Variants in TFCP2 observed in about 807,000 individuals in gnomAD.
TFCP2 encodes the protein transcription factor CP2.
Under a neutral mutation model 73.4 loss-of-function variants are expected in TFCP2, and 33 were observed. That is an observed-to-expected ratio of 0.45 (90% confidence interval 0.34 to 0.60). The LOEUF (loss-of-function observed/expected upper bound fraction) is 0.60. TFCP2 is among the 20% of genes least tolerant of loss of function. The pLI is 0.01. For missense variants in TFCP2, 352 were observed against 604.0 expected (o/e 0.58, Z 4.37); for synonymous variants, 193 against 211.6 (o/e 0.91, Z 0.76).
At chr12:51,099,888 G>T in intron 11 of TFCP2, 109 bp from the exon 12 acceptor site, 3 of 1,352,492 alleles carry the variant, frequency 2.2e-6, no homozygotes, top group Non-Finnish European at 3.0e-6. Flanking sequence ...GATGAAAATT[G>T]GAAGCTCATT....
chr12:51,107,639 T>C (rs1331545856), intron 6 of TFCP2, among the ~76,000 whole-genome samples: 1 of 151,880 alleles, frequency 6.6e-6, no homozygotes, highest in Non-Finnish European at 1.5e-5. Flanking sequence ...CGGAGTCTCA[T>C]CCTGTCACAC....
intron 1 of TFCP2, among the ~76,000 whole-genome samples, chr12:51,151,613 T>G (rs1941428233): frequency 6.6e-6 from 1 of 152,128 alleles, no homozygotes; most frequent in Non-Finnish European, 1.5e-5. Flanking sequence ...ATTTTTTGTA[T>G]TTTTAGTAGA....
chr12:51,162,216 C>T (rs1405904016), intron 1 of TFCP2, among the ~76,000 whole-genome samples: 2 of 152,070 alleles, frequency 1.3e-5, no homozygotes, highest in African/African-American at 4.8e-5. Flanking sequence ...GAGGCTGAGG[C>T]GGGTGGATCA....
intron 6 of TFCP2, among the ~76,000 whole-genome samples, chr12:51,108,261 G>A (rs1388045931): frequency 1.3e-5 from 2 of 151,824 alleles, no homozygotes; most frequent in African/African-American, 2.4e-5. Context: ...ATTCCAGCCT[G>A]GGTGACAGAG....
chr12:51,157,677 T>C (rs1283705913), intron 1 of TFCP2, among the ~76,000 whole-genome samples: 1 of 43,980 alleles, frequency 2.3e-5, no homozygotes, highest in Non-Finnish European at 5.7e-5. Flanking sequence ...GAGTTTTTTC[T>C]TTTCTTTTCT....
At chr12:51,135,193 G>A (rs568407193) in intron 1 of TFCP2, among the ~76,000 whole-genome samples, 10 of 151,806 alleles carry the variant, frequency 6.6e-5, no homozygotes, top group South Asian at 6.2e-4. Context: ...TTGGGAGGCC[G>A]AGGCGGGCGG....
intron 1 of TFCP2, among the ~76,000 whole-genome samples, chr12:51,148,223 T>C (rs1185791262): frequency 1.3e-5 from 2 of 152,214 alleles, no homozygotes; most frequent in Non-Finnish European, 2.9e-5. Context: ...AAGAACAGTG[T>C]GGAGATTCCT....
chr12:51,145,796 CA>C (rs1941287322), intron 1 of TFCP2, among the ~76,000 whole-genome samples: 1 of 150,932 alleles, frequency 6.6e-6, no homozygotes, highest in African/African-American at 2.4e-5. Flanking sequence ...ACAAAAAATA[CA>C]AAAAATTAGC....
At chr12:51,159,545 G>C (rs1592838932) in intron 1 of TFCP2, among the ~76,000 whole-genome samples, 1 of 152,040 alleles carries the variant, frequency 6.6e-6, no homozygotes, top group East Asian at 1.9e-4. Context: ...CACCACATTG[G>C]CGAGGCTGGT....
chr12:51,097,515 G>C (rs1195765213), intron 13 of TFCP2, among the ~76,000 whole-genome samples: 1 of 151,954 alleles, frequency 6.6e-6, no homozygotes, highest in African/African-American at 2.4e-5. Flanking sequence ...CAAAGTGCTG[G>C]GTTTACAGGC....
chr12:51,163,433 T>C (rs1941691187), intron 1 of TFCP2, among the ~76,000 whole-genome samples: 1 of 151,988 alleles, frequency 6.6e-6, no homozygotes, highest in South Asian at 2.1e-4. Flanking sequence ...CTACTAAAAA[T>C]ACAAAAATTA....
At position 51,172,721 on chromosome 12, in the gene TFCP2, C is replaced by G; in HGVS notation, c.-299G>C. ...TCCCAGAGGCAGCTCTGGACTCCCGCACTCCCACTCCTCTTGAGAGTTCGT... is the reference window on the plus strand; with the variant it reads ...TCCCAGAGGCAGCTCTGGACTCCCGGACTCCCACTCCTCTTGAGAGTTCGT... On this transcript the variant is annotated 5_prime_UTR_variant, in exon 1 of 15. Coordinates refer to ENST00000257915, the MANE Select transcript of TFCP2 (RefSeq NM_005653.5). 3.4e-6 allele frequency: 1 copy of G among 296,532 alleles called. No individual in the cohort carries two copies. The allele number at this position is 296,532 out of a possible 1,614,324, so 18.4% of individuals were successfully genotyped here.
intron 1 of TFCP2, among the ~76,000 whole-genome samples, chr12:51,136,267 C>T (rs1168837940): frequency 6.7e-6 from 1 of 148,728 alleles, no homozygotes; most frequent in African/African-American, 2.5e-5. Flanking sequence ...TGAGATCGCG[C>T]CATTGCACTC....
intron 1 of TFCP2, among the ~76,000 whole-genome samples, chr12:51,140,915 G>A (rs938200654): frequency 1.3e-5 from 2 of 151,890 alleles, no homozygotes; most frequent in Non-Finnish European, 2.9e-5. Context: ...AATTAGCCAG[G>A]CGTGGTGGCA....
chr12:51,167,301 G>A (rs1015196811), intron 1 of TFCP2, among the ~76,000 whole-genome samples: 1 of 152,078 alleles, frequency 6.6e-6, no homozygotes, highest in Non-Finnish European at 1.5e-5. Flanking sequence ...ATAAACTAGG[G>A]TAAAACAAAT....
At chr12:51,158,490 T>C (rs1941583650) in intron 1 of TFCP2, among the ~76,000 whole-genome samples, 2 of 152,076 alleles carry the variant, frequency 1.3e-5, no homozygotes. Flanking sequence ...ATCTGTTTTT[T>C]TGTTTGTTTG....
At position 51,107,363 on chromosome 12, in the gene TFCP2, T is replaced by C; in HGVS notation, c.718-17A>G. On this transcript the variant is annotated splice_polypyrimidine_tract_variant and intron_variant, in intron 6 of 14. Coordinates refer to ENST00000257915, the MANE Select transcript of TFCP2 (RefSeq NM_005653.5). The stretch of plus-strand genomic sequence containing the variant: ...ACCTTTGGGCTGAAATGAGAAATAT[T>C]TTGTTTTAAATTCAGGTACTCACCT... 1 of 1,599,152 alleles carries C rather than the reference T, an allele frequency of 6.3e-7. No homozygotes were observed. The highest frequency in any genetic ancestry group is 8.5e-7 in the Non-Finnish European group (1 of 1,174,266).
Position 51,172,537 on chromosome 12 carries a change from C to T in TFCP2, c.-115G>A, listed in dbSNP as rs1045931397. The T allele has an allele frequency of 2.1e-6, 3 of 1,401,256 alleles. No homozygotes were observed. Among genetic ancestry groups the T allele is most frequent in the Non-Finnish European group, 2.9e-6 (3 of 1,026,258 alleles). The allele number at this position is 1,401,256 out of a possible 1,614,324, so 86.8% of individuals were successfully genotyped here. ...AAACTACAAACCAAGGTTTCCCACG[C>T]AGTGCCCACCAGCCACCCCCAAGCC... On this transcript the variant is annotated 5_prime_UTR_variant, in exon 1 of 15. Coordinates refer to ENST00000257915, the MANE Select transcript of TFCP2 (RefSeq NM_005653.5).
rs77417603 is a variant in TFCP2, at chr12:51,116,430, T to A, written c.352-10A>T. On this transcript the variant is annotated splice_polypyrimidine_tract_variant and intron_variant, in intron 3 of 14. Coordinates refer to ENST00000257915, the MANE Select transcript of TFCP2 (RefSeq NM_005653.5). ...CCACACGGAATATACTCTAAAAGGA[T>A]ACAACAAAATCAGATGATAACAAGA... 8.0e-4 allele frequency: 1,198 copies of A among 1,499,466 alleles called. 19 individuals carry two copies. In the East Asian group the frequency reaches 0.024, roughly 29 times the overall value. 92.9% of individuals were successfully genotyped at this position (1,499,466 alleles called of 1,614,324 possible).
Sources: allele counts gnomAD v4.1 joint callset (sites outside exome capture counted in the v4.1 genomes callset), GRCh38; gene constraint gnomAD v4.1.1; transcripts MANE v1.5; gene names NCBI Gene and HGNC (gene_info 2026-07-23, HGNC 2026-07-21).